The following SYNJ1 variants were observed in gnomAD, a reference collection of about 807,000 sequenced individuals.
SYNJ1 encodes synaptojanin 1.
In SYNJ1, 78 loss-of-function variants were observed where a neutral mutation model predicts 168.2. The observed-to-expected ratio is 0.46, with a 90% CI of 0.39 to 0.56. SYNJ1 has a LOEUF of 0.56. Among genes scored for constraint, SYNJ1 ranks in the 20% least tolerant of loss-of-function variants. SYNJ1 has a pLI of 0.00. For synonymous variants in SYNJ1, 539 were observed against 548.6 expected (o/e 0.98, Z 0.24); for missense variants, 1,303 against 1,597.6 (o/e 0.82, Z 3.14).
chr21:32,699,331 C>A (rs1915422577), intron 4 of SYNJ1, among the ~76,000 whole-genome samples: 1 of 152,222 alleles, frequency 6.6e-6, no homozygotes, highest in African/African-American at 2.4e-5. Context: ...TCCTCCCTTA[C>A]TGTGCTTAAT....
At chr21:32,641,828 C>CA in intron 29 of SYNJ1, 68 bp downstream of exon 29, 1 of 1,225,700 alleles carries the variant, frequency 8.2e-7, no homozygotes, top group Non-Finnish European at 1.1e-6. Flanking sequence ...TCCAAGGTAA[C>CA]AAAACTGACT....
At chr21:32,639,250 G>A (rs904787445) in intron 30 of SYNJ1, 125 bp from the exon 31 acceptor site, 41 of 874,150 alleles carry the variant, frequency 4.7e-5, no homozygotes, top group Admixed American at 1.4e-4. Context: ...CTCATTTCTT[G>A]TGGTATAATG....
At chr21:32,676,764 C>A (rs2041427290) in intron 12 of SYNJ1, among the ~76,000 whole-genome samples, 1 of 152,144 alleles carries the variant, frequency 6.6e-6, no homozygotes, top group Non-Finnish European at 1.5e-5. Context: ...CTTTCTGGGA[C>A]TTAGCAGTTG....
chr21:32,681,841 T>C (rs535224914), intron 10 of SYNJ1, among the ~76,000 whole-genome samples, 193 bp from the exon 11 acceptor site: 106 of 152,284 alleles, frequency 7.0e-4, no homozygotes, highest in Non-Finnish European at 1.2e-3. Flanking sequence ...ACTGTATCAA[T>C]GGAAACTACA....
intron 16 of SYNJ1, 107 bp from the exon 17 acceptor site, chr21:32,666,242 T>C (rs894459606): frequency 1.4e-6 from 2 of 1,451,618 alleles, no homozygotes; most frequent in African/African-American, 2.8e-5. Context: ...GTATGGTACT[T>C]TGAGGGCAAG....
At chr21:32,699,451 C>T (rs1026408216) in intron 4 of SYNJ1, among the ~76,000 whole-genome samples, 3 of 152,222 alleles carry the variant, frequency 2.0e-5, no homozygotes, top group Non-Finnish European at 4.4e-5. Context: ...ATTATGCCTG[C>T]TCAGCTCTCA....
intron 18 of SYNJ1, among the ~76,000 whole-genome samples, chr21:32,662,312 A>G (rs2040743671): frequency 6.6e-6 from 1 of 152,206 alleles, no homozygotes; most frequent in Non-Finnish European, 1.5e-5. Flanking sequence ...CCCTGCATAG[A>G]AGACTGCTCT....
At chr21:32,696,413 G>T (rs1463557623) in intron 4 of SYNJ1, among the ~76,000 whole-genome samples, 2 of 152,196 alleles carry the variant, frequency 1.3e-5, no homozygotes, top group Non-Finnish European at 2.9e-5. Flanking sequence ...CTAAAGTGGG[G>T]ATTGGGACTG....
At chr21:32,667,462 T>C (rs1217815075) in intron 15 of SYNJ1, among the ~76,000 whole-genome samples, 1 of 152,220 alleles carries the variant, frequency 6.6e-6, no homozygotes, top group African/African-American at 2.4e-5. Flanking sequence ...TCTAATAGTT[T>C]ATACTTAAAG....
intron 4 of SYNJ1, among the ~76,000 whole-genome samples, chr21:32,695,633 ATATTTATTTATT>A (rs759113240): frequency 2.5e-3 from 367 of 148,032 alleles, no homozygotes; most frequent in African/African-American, 5.4e-3. Context: ...TTTTAAAAAA[ATATTTATTTATT>A]TATTTATTTA....
chr21:32,668,718 A>G lies in SYNJ1; in HGVS notation c.1811+1570T>C, dbSNP rs113743281. ...ATACTTTGTTAAAATAAAACACTGAAGTTTTAAGCCTCACTCATATAATTT... is the reference window on the plus strand; with the variant it reads ...ATACTTTGTTAAAATAAAACACTGAGGTTTTAAGCCTCACTCATATAATTT... On this transcript the variant is annotated intron_variant, in intron 15 of 32. Transcript: ENST00000674351. Among the ~76,000 whole-genome samples the G allele has an allele frequency of 7.2e-5, 11 of 152,364 alleles. 1 individual carries two copies. The highest frequency in any genetic ancestry group is 2.6e-4 in the African/African-American group (11 of 41,584).
chr21:32,673,673 CA>C, intron 13 of SYNJ1, 142 bp from the exon 14 acceptor site: 3 of 543,308 alleles, frequency 5.5e-6, no homozygotes, highest in East Asian at 4.2e-5. Flanking sequence ...GGCACAGGCA[CA>C]AAAAAAGATC....
chr21:32,680,332 G>A (rs1036672498), intron 11 of SYNJ1, among the ~76,000 whole-genome samples: 5 of 152,148 alleles, frequency 3.3e-5, no homozygotes, highest in African/African-American at 4.8e-5. Context: ...TTCAGTTGCT[G>A]TATGGAAGAA....
chr21:32,686,010 A>T, intron 8 of SYNJ1, 93 bp from the exon 9 acceptor site: 2 of 1,347,494 alleles, frequency 1.5e-6, no homozygotes, highest in Admixed American at 5.4e-5. Context: ...ACTGGCAATA[A>T]ATCTTTTCCC....
At chr21:32,645,539 G>GA (rs1163597958) in intron 25 of SYNJ1, 107 bp downstream of exon 25, 26 of 1,366,720 alleles carry the variant, frequency 1.9e-5, no homozygotes, top group African/African-American at 1.0e-4. Flanking sequence ...AATAATGATA[G>GA]AAAAAACTGT....
In SYNJ1 at chr21:32,656,895, C is replaced by G. The variant is rs377350366; in HGVS notation, c.2587G>C (p.Val863Leu). 8.7e-6 allele frequency: 14 copies of G among 1,613,936 alleles called. No homozygotes were observed. Among genetic ancestry groups the G allele is most frequent in the Non-Finnish European group, 1.2e-5 (14 of 1,179,964 alleles). The change falls in exon 21 of 33, where the codon GTT becomes CTT. Residue 863 changes from valine to leucine, a missense_variant. This residue lies in a region of SYNJ1 where 920 missense variants were observed against 1,208.8 expected (regional missense o/e 0.76). Coordinates refer to ENST00000674351, the MANE Select transcript of SYNJ1 (RefSeq NM_203446.3). The stretch of plus-strand genomic sequence containing the variant: ...AATATATCTATATCAATCAGGGCAA[C>G]GACAGGCCTTAAGGCATAAAGGAAG... ...ELKTSDHRPV[V>L]ALIDIDIFEV...
chr21:32,699,523 C>A (rs1224242045), intron 4 of SYNJ1, among the ~76,000 whole-genome samples: 1 of 152,130 alleles, frequency 6.6e-6, no homozygotes, highest in African/African-American at 2.4e-5. Context: ...TCTGACAGTT[C>A]GACCACGGAG....
chr21:32,700,628 CT>C (rs1306808821), intron 3 of SYNJ1, among the ~76,000 whole-genome samples: 1 of 152,058 alleles, frequency 6.6e-6, no homozygotes, highest in Non-Finnish European at 1.5e-5. Context: ...GCACTCCAGC[CT>C]GGGCAACAGG....
At chr21:32,695,310 C>A in intron 4 of SYNJ1, 28 bp from the exon 5 acceptor site, 2 of 1,594,386 alleles carry the variant, frequency 1.3e-6, no homozygotes, top group Non-Finnish European at 1.7e-6. Context: ...AAATGATTAG[C>A]TTATGGAATA....
Sources: gnomAD v4.1 joint callset for allele counts (sites outside exome capture counted in the v4.1 genomes callset) on GRCh38, gnomAD v4.1.1 for gene constraint, gnomAD v4.1.1 regional missense constraint, MANE v1.5 for transcripts, NCBI Gene and HGNC (gene_info 2026-07-23, HGNC 2026-07-21) for gene names.